Variants in PDE1A observed in about 807,000 individuals in gnomAD.
PDE1A encodes dual specificity calcium/calmodulin-dependent 3',5'-cyclic nucleotide phosphodiesterase 1A.
In PDE1A, 35 loss-of-function variants were observed where a neutral mutation model predicts 61.7. That is an observed-to-expected ratio of 0.57 (90% CI 0.43 to 0.75). The LOEUF is 0.75. Among genes scored for constraint, PDE1A ranks in the 30% least tolerant of loss-of-function variants. PDE1A has a pLI of 0.00. For missense variants in PDE1A, 597 were observed against 630.6 expected, an observed-to-expected ratio of 0.95 and a Z score of 0.57; for synonymous variants, 232 against 213.2, an observed-to-expected ratio of 1.09 and a Z score of -0.77.
chr2:182,423,513 C>T (rs1703410976), intron 1 of PDE1A, among the ~76,000 whole-genome samples: 1 of 152,148 alleles, frequency 6.6e-6, no homozygotes, highest in Non-Finnish European at 1.5e-5. Context: ...CTTTCTGAAA[C>T]TTAGGATGAC....
chr2:182,601,790 T>C, the PDE1A span, among the ~76,000 whole-genome samples: 1 of 152,306 alleles, frequency 6.6e-6, no homozygotes, highest in South Asian at 2.1e-4. Context: ...GTAGAGACCC[T>C]GGAGTGGGAA....
At chr2:182,193,722 T>C (rs1685901716) in intron 10 of PDE1A, among the ~76,000 whole-genome samples, 1 of 152,272 alleles carries the variant, frequency 6.6e-6, no homozygotes, top group East Asian at 1.9e-4. Context: ...CTGATATAAC[T>C]ATATTTCTGT....
At chr2:182,185,935 G>T in exon 13 of PDE1A, 1 of 1,614,024 alleles carries the variant, frequency 6.2e-7, no homozygotes, top group Non-Finnish European at 8.5e-7. Context: ...TCTGCTGAAT[G>T]ATGTCCACCA....
At chr2:182,396,903 T>A (rs1433892728) in intron 1 of PDE1A, among the ~76,000 whole-genome samples, 1 of 152,224 alleles carries the variant, frequency 6.6e-6, no homozygotes, top group African/African-American at 2.4e-5. Flanking sequence ...TGCTTTTACC[T>A]CTGGTTGTAT....
intron 1 of PDE1A, among the ~76,000 whole-genome samples, chr2:182,400,619 G>C (rs1429517880): frequency 6.6e-6 from 1 of 152,062 alleles, no homozygotes; most frequent in East Asian, 1.9e-4. Context: ...GTAACTAAGG[G>C]ATCAAGCATA....
chr2:182,304,108 C>A (rs1360284640), intron 1 of PDE1A, among the ~76,000 whole-genome samples: 1 of 152,090 alleles, frequency 6.6e-6, no homozygotes, highest in East Asian at 1.9e-4. Flanking sequence ...ACCACGTTGG[C>A]CCTTGACCTC....
intron 7 of PDE1A, among the ~76,000 whole-genome samples, chr2:182,211,349 G>A (rs894159473): frequency 5.3e-5 from 8 of 152,076 alleles, no homozygotes; most frequent in African/African-American, 9.7e-5. Context: ...TCATTACTGG[G>A]CTCTCTACTC....
At chr2:182,207,290 C>T (rs140671237) in intron 7 of PDE1A, among the ~76,000 whole-genome samples, 14 of 152,208 alleles carry the variant, frequency 9.2e-5, no homozygotes, top group East Asian at 1.9e-4. Flanking sequence ...TAGGTAGAGA[C>T]GAGGAACTTA....
At chr2:182,419,433 T>A (rs1448844500) in intron 1 of PDE1A, among the ~76,000 whole-genome samples, 2 of 151,946 alleles carry the variant, frequency 1.3e-5, no homozygotes. Context: ...CCTCCTGGAT[T>A]CAAGCAATTC....
At chr2:182,648,702 T>TA in the PDE1A span, among the ~76,000 whole-genome samples, 10,980 of 122,832 alleles carry the variant, frequency 0.089, 497 homozygotes, top group African/African-American at 0.12. Flanking sequence ...CCTGTCTCTT[T>TA]AAAAAAAAAA....
chr2:182,401,703 G>C (rs542599844), intron 1 of PDE1A, among the ~76,000 whole-genome samples: 1 of 152,222 alleles, frequency 6.6e-6, no homozygotes, highest in East Asian at 1.9e-4. Flanking sequence ...AAGAAATAAA[G>C]GGTATTCAAA....
At position 182,187,902 on chromosome 2, in the gene PDE1A, G is replaced by A. The variant is rs184378671; in HGVS notation, c.1207+1077C>T. Among the ~76,000 whole-genome samples, 915 of 151,480 alleles carry A rather than the reference G, an allele frequency of 6.0e-3. 13 individuals carry two copies. The highest frequency in any genetic ancestry group is 0.041 in the South Asian group (195 of 4,786). On this transcript the variant is annotated intron_variant, in intron 11 of 13. Coordinates refer to ENST00000351439, the Ensembl canonical transcript of PDE1A. ...TGGGATTACAGGTGCATGCCACCAC[G>A]CCCGGCTAATTTTTTGTATTTTTTA...
At chr2:182,436,194 C>G (rs1684393367) in intron 2 of PDE1A, among the ~76,000 whole-genome samples, 1 of 152,156 alleles carries the variant, frequency 6.6e-6, no homozygotes, top group South Asian at 2.1e-4. Context: ...AAAACTCATT[C>G]TAGTTTCAGC....
At chr2:182,348,350 G>GTAGA (rs746879095) in intron 1 of PDE1A, among the ~76,000 whole-genome samples, 11 of 152,064 alleles carry the variant, frequency 7.2e-5, no homozygotes, top group Non-Finnish European at 1.5e-4. Flanking sequence ...GAGAAAAGTG[G>GTAGA]TAGATAGAGA....
chr2:182,308,377 T>C (rs148193323), intron 1 of PDE1A, among the ~76,000 whole-genome samples: 2 of 152,302 alleles, frequency 1.3e-5, no homozygotes, highest in African/African-American at 2.4e-5. Context: ...GCTAAAAATA[T>C]ATTAAATATT....
chr2:182,339,125 A>G (rs946835265), intron 1 of PDE1A, among the ~76,000 whole-genome samples: 1 of 152,144 alleles, frequency 6.6e-6, no homozygotes, highest in Non-Finnish European at 1.5e-5. Context: ...TCTTTGTACC[A>G]CTGCATAAAA....
intron 2 of PDE1A, among the ~76,000 whole-genome samples, chr2:182,253,123 G>A (rs374943659): frequency 2.6e-5 from 4 of 152,118 alleles, no homozygotes; most frequent in East Asian, 3.9e-4. Context: ...GGTTAACTTA[G>A]AAATCAAACA....
At chr2:182,338,680 C>A (rs573460584) in intron 1 of PDE1A, among the ~76,000 whole-genome samples, 2 of 151,994 alleles carry the variant, frequency 1.3e-5, no homozygotes, top group Admixed American at 6.6e-5. Flanking sequence ...CCTGACACCA[C>A]GCCTGGCTAA....
intron 1 of PDE1A, among the ~76,000 whole-genome samples, chr2:182,424,029 C>G (rs150153004): frequency 6.6e-6 from 1 of 150,838 alleles, no homozygotes; most frequent in East Asian, 2.0e-4. Context: ...ACTGCGACCT[C>G]CGCCTCCAGA....
Sources: allele counts gnomAD v4.1 joint callset (sites outside exome capture counted in the v4.1 genomes callset), GRCh38; gene constraint gnomAD v4.1.1; transcripts MANE v1.5; gene names NCBI Gene and HGNC (gene_info 2026-07-23, HGNC 2026-07-21).